The following GRIA2 variants were observed in gnomAD, a reference collection of about 807,000 sequenced individuals.
The protein encoded by GRIA2 is glutamate receptor 2.
Under a neutral mutation model 97.3 loss-of-function variants are expected in GRIA2, and 14 were observed. The observed-to-expected ratio is 0.14, with a 90% CI of 0.10 to 0.23. GRIA2 has a LOEUF of 0.23. Ranked by LOEUF, GRIA2 falls within the 10% of genes least tolerant of loss-of-function variation. The pLI, the probability that GRIA2 is intolerant of heterozygous loss-of-function variation, is 1.00. For synonymous variants in GRIA2, 412 were observed against 387.8 expected (o/e 1.06, Z -0.73); for missense variants, 558 against 1,069.8 (o/e 0.52, Z 6.67).
intron 3 of GRIA2, among the ~76,000 whole-genome samples, chr4:157,311,294 T>C (rs1270735226): frequency 6.6e-6 from 1 of 152,066 alleles, no homozygotes; most frequent in Non-Finnish European, 1.5e-5. Flanking sequence ...TAAAACAGTT[T>C]ATGTATTTAA....
intron 2 of GRIA2, among the ~76,000 whole-genome samples, chr4:157,252,379 T>G (rs1731056249): frequency 6.6e-6 from 1 of 152,132 alleles, no homozygotes; most frequent in Admixed American, 6.6e-5. Context: ...GACCAACATT[T>G]ATTTTTTAGA....
chr4:157,225,041 A>G (rs1443181204), intron 2 of GRIA2, among the ~76,000 whole-genome samples: 3 of 152,102 alleles, frequency 2.0e-5, no homozygotes. Flanking sequence ...TTATTAGTTT[A>G]CTAATTTAAT....
intron 13 of GRIA2, 128 bp from the exon 14 acceptor site, chr4:157,360,882 T>C: frequency 4.3e-6 from 3 of 703,730 alleles, no homozygotes; most frequent in Admixed American, 2.5e-5. Context: ...TATTGTGGCC[T>C]TTTTCCCACT....
chr4:157,303,024 T>G (rs1231543897), intron 2 of GRIA2, among the ~76,000 whole-genome samples: 1 of 152,184 alleles, frequency 6.6e-6, no homozygotes, highest in Non-Finnish European at 1.5e-5. Context: ...CAGAAGTAGC[T>G]TTGTGGGGAC....
chr4:157,303,622 C>A lies in GRIA2; in HGVS notation c.300C>A (p.Ile100=). 1 of 1,613,906 alleles carries A rather than the reference C, an allele frequency of 6.2e-7. No individual in the cohort carries two copies. Among genetic ancestry groups the A allele is most frequent in the Non-Finnish European group, 8.5e-7 (1 of 1,179,804 alleles). The change falls in exon 3 of 16, where the codon ATC becomes ATA. Residue 100 remains isoleucine (I), a synonymous_variant. Coordinates refer to ENST00000264426, the MANE Select transcript of GRIA2 (RefSeq NM_001083619.3). ...ATGACAAGAAGTCTGTAAATACCAT[C>A]ACATCATTTTGCGGAACACTCCACG... ...GFYDKKSVNT[I]TSFCGTLHVS... is the part of the protein sequence containing the mutation.
At chr4:157,223,931 T>A (rs913895686) in intron 2 of GRIA2, among the ~76,000 whole-genome samples, 1 of 152,232 alleles carries the variant, frequency 6.6e-6, no homozygotes, top group Non-Finnish European at 1.5e-5. Context: ...TAGGTTTAGA[T>A]ACTCATTCTC....
intron 2 of GRIA2, among the ~76,000 whole-genome samples, chr4:157,254,686 C>CGGAGTT (rs1392899452): frequency 6.6e-6 from 1 of 151,802 alleles, no homozygotes; most frequent in Non-Finnish European, 1.5e-5. Context: ...GACTGTCACC[C>CGGAGTT]GGAGTTGGAG....
At chr4:157,227,310 T>C (rs1181798156) in intron 2 of GRIA2, among the ~76,000 whole-genome samples, 2 of 152,168 alleles carry the variant, frequency 1.3e-5, no homozygotes, top group Admixed American at 1.3e-4. Flanking sequence ...TCTCAAGTTT[T>C]CTCATAATCT....
At chr4:157,337,822 G>GAA (rs1735355306) in intron 11 of GRIA2, among the ~76,000 whole-genome samples, 1 of 151,058 alleles carries the variant, frequency 6.6e-6, no homozygotes, top group South Asian at 2.1e-4. Context: ...ATTATCAGTA[G>GAA]CTTACTTCTC....
chr4:157,308,717 C>T (rs1007336587), intron 3 of GRIA2, among the ~76,000 whole-genome samples: 2 of 152,036 alleles, frequency 1.3e-5, no homozygotes, highest in Non-Finnish European at 2.9e-5. Flanking sequence ...TTCTGAATTA[C>T]AGGATGAATA....
chr4:157,244,241 G>C (rs113960566), intron 2 of GRIA2, among the ~76,000 whole-genome samples: 2 of 151,964 alleles, frequency 1.3e-5, no homozygotes, highest in African/African-American at 4.8e-5. Flanking sequence ...AAAAGGGTGG[G>C]CAAAAACAAA....
intron 2 of GRIA2, among the ~76,000 whole-genome samples, chr4:157,292,760 G>A (rs1733162164): frequency 6.6e-6 from 1 of 152,078 alleles, no homozygotes; most frequent in Non-Finnish European, 1.5e-5. Flanking sequence ...GTTTATCAGT[G>A]AGGTGGCTGA....
At chr4:157,275,323 G>A (rs1437758478) in intron 2 of GRIA2, among the ~76,000 whole-genome samples, 1 of 152,194 alleles carries the variant, frequency 6.6e-6, no homozygotes, top group Non-Finnish European at 1.5e-5. Flanking sequence ...TAGGCTGCCT[G>A]TTCACCGTGA....
At chr4:157,320,101 G>A (rs529228033) in intron 5 of GRIA2, among the ~76,000 whole-genome samples, 2 of 152,078 alleles carry the variant, frequency 1.3e-5, no homozygotes, top group South Asian at 4.2e-4. Context: ...TGTTTTCATG[G>A]AAGCACTGGA....
rs1458127276 is a variant in GRIA2, at chr4:157,248,212, A to G, written c.229+26405A>G. Reference sequence around the variant, plus strand: ...ACTGAATCAGAGGTAACCTAATTATATAATTAAAATTGTATATTAAAAACA... The same window carrying G: ...ACTGAATCAGAGGTAACCTAATTATGTAATTAAAATTGTATATTAAAAACA... On this transcript the variant is annotated intron_variant, in intron 2 of 15. Coordinates refer to ENST00000264426, the MANE Select transcript of GRIA2 (RefSeq NM_001083619.3). Among the ~76,000 whole-genome samples the G allele has an allele frequency of 2.0e-5, 3 of 151,718 alleles. No homozygotes were observed. The East Asian group carries it at 5.8e-4, about 29-fold the overall frequency.
chr4:157,279,294 G>C (rs1732488477), intron 2 of GRIA2, among the ~76,000 whole-genome samples: 1 of 152,104 alleles, frequency 6.6e-6, no homozygotes, highest in Admixed American at 6.6e-5. Context: ...GCCATGAAAA[G>C]ACATGGAAGA....
At chr4:157,355,935 A>C (rs1308166576) in intron 12 of GRIA2, among the ~76,000 whole-genome samples, 3 of 34,114 alleles carry the variant, frequency 8.8e-5, no homozygotes, top group Non-Finnish European at 1.4e-4. Flanking sequence ...ATATATATTT[A>C]TATATTAATA....
intron 2 of GRIA2, among the ~76,000 whole-genome samples, chr4:157,233,981 A>G (rs78542803): frequency 7.7e-4 from 117 of 152,278 alleles, no homozygotes; most frequent in African/African-American, 2.8e-3. Flanking sequence ...TTCCTAAACC[A>G]GAGCCTCTAT....
chr4:157,261,959 G>A (rs996389998), intron 2 of GRIA2, among the ~76,000 whole-genome samples: 12 of 151,990 alleles, frequency 7.9e-5, no homozygotes, highest in African/African-American at 1.2e-4. Flanking sequence ...TATACCATGC[G>A]CTTTACTGGT....
Sources: allele counts gnomAD v4.1 joint callset (sites outside exome capture counted in the v4.1 genomes callset), GRCh38; gene constraint gnomAD v4.1.1; transcripts MANE v1.5; gene names NCBI Gene and HGNC (gene_info 2026-07-23, HGNC 2026-07-21).